The following WDR76 variants were observed in gnomAD, a reference collection of about 807,000 sequenced individuals.
WDR76 encodes the protein WD repeat domain 76.
Under a neutral mutation model 70.2 loss-of-function variants are expected in WDR76, and 52 were observed. The observed-to-expected ratio is 0.74, with a 90% CI of 0.59 to 0.93. The LOEUF (loss-of-function observed/expected upper bound fraction) is 0.93, where lower values mean the gene tolerates loss of function less well. WDR76 is among the 40% of genes least tolerant of loss of function. WDR76 has a pLI of 0.00. For missense variants in WDR76, 756 were observed against 760.2 expected, an observed-to-expected ratio of 0.99 and a Z score of 0.07; for synonymous variants, 292 against 271.1, an observed-to-expected ratio of 1.08 and a Z score of -0.76.
At chr15:43,847,673 G>A (rs1322660683) in intron 8 of WDR76, among the ~76,000 whole-genome samples, 3 of 151,916 alleles carry the variant, frequency 2.0e-5, no homozygotes, top group South Asian at 2.1e-4. Context: ...CACCCGCCTC[G>A]GCCTCCCAAA....
chr15:43,861,927 C>T (rs1361973028), intron 12 of WDR76, among the ~76,000 whole-genome samples: 2 of 147,544 alleles, frequency 1.4e-5, no homozygotes, highest in African/African-American at 2.5e-5. Context: ...ATCTTCACCT[C>T]TTAGGTTCAA....
intron 9 of WDR76, among the ~76,000 whole-genome samples, chr15:43,852,624 C>G (rs2087875676): frequency 6.6e-6 from 1 of 152,088 alleles, no homozygotes; most frequent in African/African-American, 2.4e-5. Flanking sequence ...CCTGCCTCAG[C>G]CTCCCAAAGT....
rs1567180305 is a variant in WDR76, at chr15:43,828,134, A to G, written c.230A>G (p.Asn77Ser). The G allele has an allele frequency of 1.9e-6, 3 of 1,614,210 alleles. No homozygotes were observed. Among genetic ancestry groups the G allele is most frequent in the East Asian group, 2.2e-5 (1 of 44,882 alleles). Residue 77 changes from asparagine (N) to serine (S), a missense_variant, in exon 2 of 13, where the codon AAT becomes AGT. Transcript: ENST00000263795. Reference protein sequence around the residue: ...PKSLSEKNSNNEVACKKTKIK... With the variant: ...PKSLSEKNSNSEVACKKTKIK... ...TCCCTATCAGAAAAGAATTCTAACA[A>G]TGAAGTGGCGTGTAAGAAGACTAAA...
chr15:43,865,711 G>A (rs550459735), intron 12 of WDR76, among the ~76,000 whole-genome samples: 1 of 152,266 alleles, frequency 6.6e-6, no homozygotes, highest in South Asian at 2.1e-4. Flanking sequence ...GCCATATTAT[G>A]TATATTTTTA....
At position 43,867,021 on chromosome 15, in the gene WDR76, A is replaced by C. The variant is rs2088082123; in HGVS notation, c.*629A>C. 6.6e-6 allele frequency: 1 copy of C among 152,274 alleles called. No individual in the cohort carries two copies. The highest frequency in any genetic ancestry group is 2.4e-5 in the African/African-American group (1 of 41,448). 9.4% of individuals were successfully genotyped at this position (152,274 alleles called of 1,614,324 possible). A position where few individuals can be genotyped will look rare whatever the true frequency, so the allele number is the denominator to read the frequency against. Reference sequence around the variant, plus strand: ...TAAAGTTTTTGTGATCTAATGATACAGTTTTGATTCTATAGTAATTTGTGG... The same window carrying C: ...TAAAGTTTTTGTGATCTAATGATACCGTTTTGATTCTATAGTAATTTGTGG... On this transcript the variant is annotated 3_prime_UTR_variant, in exon 13 of 13. Coordinates refer to ENST00000263795, the MANE Select transcript of WDR76 (RefSeq NM_024908.4).
intron 12 of WDR76, among the ~76,000 whole-genome samples, chr15:43,862,110 A>G (rs1261670599): frequency 6.6e-6 from 1 of 152,048 alleles, no homozygotes; most frequent in Non-Finnish European, 1.5e-5. Context: ...TGCTGGGATT[A>G]CAGGCGTAAG....
chr15:43,862,773 G>A (rs907325881), intron 12 of WDR76, among the ~76,000 whole-genome samples: 1 of 152,184 alleles, frequency 6.6e-6, no homozygotes, highest in Non-Finnish European at 1.5e-5. Context: ...CTCCCAAAGT[G>A]CTGGGATTAC....
intron 4 of WDR76, among the ~76,000 whole-genome samples, chr15:43,837,323 T>C (rs2087669285): frequency 6.6e-6 from 1 of 152,234 alleles, no homozygotes. Flanking sequence ...GCCAGGTATT[T>C]TCAAGTGTGA....
chr15:43,855,780 C>T (rs575116370), intron 9 of WDR76, among the ~76,000 whole-genome samples: 5 of 150,274 alleles, frequency 3.3e-5, no homozygotes, highest in Admixed American at 2.7e-4. Context: ...AGCCAGGAGG[C>T]GGAGATTGCA....
intron 4 of WDR76, 128 bp from the exon 5 acceptor site, chr15:43,839,477 G>GTA (rs921644980): frequency 1.4e-4 from 136 of 946,080 alleles, no homozygotes; most frequent in Middle Eastern, 2.8e-4. Context: ...TTGTGGCCAT[G>GTA]TATATATATA....
chr15:43,850,734 A>G (rs2087847522), intron 8 of WDR76, among the ~76,000 whole-genome samples: 1 of 152,208 alleles, frequency 6.6e-6, no homozygotes, highest in Non-Finnish European at 1.5e-5. Context: ...GCAAAGTGGT[A>G]AGGTACTGAT....
At chr15:43,834,513 T>C (rs530896837) in intron 2 of WDR76, among the ~76,000 whole-genome samples, 17 of 151,552 alleles carry the variant, frequency 1.1e-4, no homozygotes, top group Non-Finnish European at 2.4e-4. Flanking sequence ...GATTTCACCA[T>C]GTTGGCCAGG....
At chr15:43,827,833 C>A in intron 1 of WDR76, 132 bp from the exon 2 acceptor site, 1 of 1,028,202 alleles carries the variant, frequency 9.7e-7, no homozygotes, top group Non-Finnish European at 1.4e-6. Flanking sequence ...GCGTGAGCCA[C>A]TGCACCTGGC....
chr15:43,851,339 G>A (rs1028712493), intron 9 of WDR76, 94 bp downstream of exon 9: 16 of 1,513,762 alleles, frequency 1.1e-5, no homozygotes, highest in Non-Finnish European at 1.3e-5. Flanking sequence ...TGGGAGAAGT[G>A]GTATAGCAGA....
chr15:43,861,318 C>G lies in WDR76; in HGVS notation c.1563-15C>G. 6 of 1,609,962 alleles carry G rather than the reference C, an allele frequency of 3.7e-6. No individual in the cohort carries two copies. The highest frequency in any genetic ancestry group is 1.3e-5 in the African/African-American group (1 of 74,988). On this transcript the variant is annotated splice_polypyrimidine_tract_variant and intron_variant, in intron 11 of 12. Coordinates refer to ENST00000263795, the MANE Select transcript of WDR76 (RefSeq NM_024908.4). ...TTAAGTAACAAAAGAATGTCTTACT[C>G]TCTTTATTTTGCAGAATTTTTGACA...
At position 43,857,115 on chromosome 15, in the gene WDR76, T is replaced by C; in HGVS notation, c.1361T>C (p.Val454Ala). Residue 454 changes from valine to alanine, a missense_variant, in exon 10 of 13, where the codon GTT becomes GCT. Val to Ala is a moderately conservative substitution (Grantham distance 64, BLOSUM62 0). Coordinates refer to ENST00000263795, the MANE Select transcript of WDR76 (RefSeq NM_024908.4). The stretch of plus-strand genomic sequence containing the variant: ...TCTTCTATGGGAAAAATAAGAACTG[T>C]TCATGTCCACCCAGTGCATAGACAG... ...TSSSMGKIRT[V>A]HVHPVHRQYF... The C allele has an allele frequency of 6.2e-7, 1 of 1,614,108 alleles. No individual in the cohort carries two copies. The highest frequency in any genetic ancestry group is 8.5e-7 in the Non-Finnish European group (1 of 1,180,000).
intron 12 of WDR76, among the ~76,000 whole-genome samples, chr15:43,864,670 C>T (rs2088047321): frequency 6.6e-6 from 1 of 151,900 alleles, no homozygotes; most frequent in African/African-American, 2.4e-5. Context: ...TCTGGGCTCA[C>T]TGCAACCTCC....
At chr15:43,842,336 A>G (rs1001665222) in intron 5 of WDR76, 79 bp from the exon 6 acceptor site, 1 of 1,281,970 alleles carries the variant, frequency 7.8e-7, no homozygotes, top group African/African-American at 1.5e-5. Context: ...TGGGGAAAAC[A>G]GACAAATACC....
intron 12 of WDR76, among the ~76,000 whole-genome samples, chr15:43,863,646 A>G (rs1016526071): frequency 6.6e-6 from 1 of 151,676 alleles, no homozygotes; most frequent in Admixed American, 6.6e-5. Context: ...TTCAGCCTCA[A>G]TCTCCTGGAC....
Sources: gnomAD v4.1 joint callset for allele counts (sites outside exome capture counted in the v4.1 genomes callset) on GRCh38, gnomAD v4.1.1 for gene constraint, MANE v1.5 for transcripts, NCBI Gene and HGNC (gene_info 2026-07-23, HGNC 2026-07-21) for gene names.